The following EIF2B3 variants were observed in gnomAD, a reference collection of about 807,000 sequenced individuals.
The protein encoded by EIF2B3 is translation initiation factor eIF2B subunit gamma.
Under a neutral mutation model 54.1 loss-of-function variants are expected in EIF2B3, and 20 were observed. That is an observed-to-expected ratio of 0.37 (90% CI 0.26 to 0.54). The LOEUF (loss-of-function observed/expected upper bound fraction) is 0.54. Ranked by LOEUF, EIF2B3 falls within the 20% of genes least tolerant of loss-of-function variation. The probability of loss-of-function intolerance (pLI) is 0.86; values close to 1 mark genes in which losing one functional copy is unlikely to be tolerated. For missense variants in EIF2B3, 448 were observed against 547.8 expected (o/e 0.82, Z 1.82); for synonymous variants, 153 against 188.1 (o/e 0.81, Z 1.52).
chr1:44,922,740 T>C (rs1210655993), intron 5 of EIF2B3, among the ~76,000 whole-genome samples: 2 of 151,986 alleles, frequency 1.3e-5, no homozygotes, highest in African/African-American at 4.8e-5. Context: ...ATTTTCATTG[T>C]AGAGACCTTT....
chr1:44,918,488 C>T lies in EIF2B3; in HGVS notation c.566+8140G>A, dbSNP rs192614792. The stretch of plus-strand genomic sequence containing the variant: ...TACTGTAACCTCCGCCTCCCAGGTT[C>T]AAGCAATTCTCCTGCCTCAGCCTCC... On this transcript the variant is annotated intron_variant, in intron 5 of 11. Coordinates refer to ENST00000360403, the MANE Select transcript of EIF2B3 (RefSeq NM_020365.5). Among the ~76,000 whole-genome samples, 780 of 152,074 alleles carry T rather than the reference C, an allele frequency of 5.1e-3. 10 individuals are homozygous for T. The highest frequency in any genetic ancestry group is 0.018 in the African/African-American group (749 of 41,476).
At chr1:44,963,648 C>G (rs181574050) in intron 3 of EIF2B3, among the ~76,000 whole-genome samples, 155 of 152,294 alleles carry the variant, frequency 1.0e-3, no homozygotes, top group Non-Finnish European at 1.7e-3. Flanking sequence ...AATGAACTCT[C>G]TGGTCATGGT....
At chr1:44,961,984 G>T (rs1644289573) in intron 3 of EIF2B3, among the ~76,000 whole-genome samples, 1 of 152,020 alleles carries the variant, frequency 6.6e-6, no homozygotes, top group African/African-American at 2.4e-5. Context: ...TTGAGGTCAG[G>T]AGTTCAAGAC....
chr1:44,986,138 C>T (rs66786377), intron 1 of EIF2B3, among the ~76,000 whole-genome samples: 33,059 of 142,162 alleles, frequency 0.23, 4,032 homozygotes, highest in Admixed American at 0.33. Flanking sequence ...CTTTTCTTTT[C>T]TTTTTTTTTT....
intron 11 of EIF2B3, 61 bp from the exon 12 acceptor site, chr1:44,851,064 A>C: frequency 6.4e-7 from 1 of 1,557,150 alleles, no homozygotes; most frequent in Non-Finnish European, 8.8e-7. Flanking sequence ...TTTCAAACCC[A>C]ACTGCTTTTT....
At chr1:44,956,612 A>C (rs980201427) in intron 3 of EIF2B3, among the ~76,000 whole-genome samples, 4 of 152,102 alleles carry the variant, frequency 2.6e-5, no homozygotes, top group African/African-American at 4.8e-5. Flanking sequence ...GATCAATAAG[A>C]TCTTATGGCT....
intron 3 of EIF2B3, among the ~76,000 whole-genome samples, chr1:44,960,764 C>T (rs1401586224): frequency 2.6e-5 from 4 of 152,118 alleles, no homozygotes; most frequent in African/African-American, 2.4e-5. Context: ...TATGCAAATA[C>T]CATGCCATTT....
chr1:44,957,627 G>T (rs1423112090), intron 3 of EIF2B3, among the ~76,000 whole-genome samples: 1 of 152,070 alleles, frequency 6.6e-6, no homozygotes, highest in Non-Finnish European at 1.5e-5. Context: ...TGGGCGTGGT[G>T]GCATGTGCCT....
chr1:44,977,656 G>C (rs1391558045), intron 3 of EIF2B3, among the ~76,000 whole-genome samples: 1 of 151,986 alleles, frequency 6.6e-6, no homozygotes, highest in Admixed American at 6.6e-5. Context: ...GTAGAGACAG[G>C]GTCTTACCAC....
intron 3 of EIF2B3, among the ~76,000 whole-genome samples, chr1:44,962,474 G>A (rs1644295628): frequency 2.0e-5 from 3 of 152,082 alleles, no homozygotes; most frequent in South Asian, 2.1e-4. Context: ...GAGCAGTGGC[G>A]CGATCACAGC....
At chr1:44,906,456 A>G (rs1643412113) in intron 5 of EIF2B3, among the ~76,000 whole-genome samples, 1 of 152,238 alleles carries the variant, frequency 6.6e-6, no homozygotes, top group African/African-American at 2.4e-5. Context: ...GCTGGAGTGC[A>G]GTGGCACGAT....
intron 4 of EIF2B3, among the ~76,000 whole-genome samples, chr1:44,939,012 G>A (rs1307290964): frequency 6.8e-6 from 1 of 147,786 alleles, no homozygotes; most frequent in African/African-American, 2.5e-5. Flanking sequence ...GAGGTGGGAG[G>A]ATTGCTTGAG....
intron 3 of EIF2B3, among the ~76,000 whole-genome samples, chr1:44,951,126 C>T (rs1379948106): frequency 6.6e-6 from 1 of 152,132 alleles, no homozygotes; most frequent in African/African-American, 2.4e-5. Flanking sequence ...TTCTCCTTCT[C>T]GCCTTAGTCA....
At chr1:44,948,118 G>A (rs943744508) in intron 3 of EIF2B3, among the ~76,000 whole-genome samples, 6 of 152,226 alleles carry the variant, frequency 3.9e-5, no homozygotes, top group African/African-American at 1.2e-4. Flanking sequence ...GCAAGGCCAA[G>A]GGCCAACTGC....
At chr1:44,875,263 C>A (rs1357917728) in intron 9 of EIF2B3, among the ~76,000 whole-genome samples, 1 of 152,118 alleles carries the variant, frequency 6.6e-6, no homozygotes, top group Non-Finnish European at 1.5e-5. Flanking sequence ...AGGACCCATA[C>A]CAGATAAAAC....
chr1:44,850,816 G>T lies in EIF2B3; in HGVS notation c.*135C>A. On this transcript the variant is annotated 3_prime_UTR_variant, in exon 12 of 12. Transcript: ENST00000360403. ...TGGAGCCCACCTGACATGGAGCTTT[G>T]GACTGCTCCACAAGTCTCCAGCATG... 2 of 950,804 alleles carry T rather than the reference G, an allele frequency of 2.1e-6. No homozygotes were observed. Among genetic ancestry groups the T allele is most frequent in the Non-Finnish European group, 3.4e-6 (2 of 590,636 alleles). 58.9% of individuals were successfully genotyped at this position (950,804 alleles called of 1,614,324 possible).
chr1:44,873,736 G>C (rs1246808834), intron 10 of EIF2B3, among the ~76,000 whole-genome samples: 1 of 151,920 alleles, frequency 6.6e-6, no homozygotes, highest in Non-Finnish European at 1.5e-5. Context: ...TGCCTCCTGG[G>C]TTCAAGCCAT....
chr1:44,861,835 C>G (rs553662106), intron 10 of EIF2B3, among the ~76,000 whole-genome samples: 1 of 152,310 alleles, frequency 6.6e-6, no homozygotes, highest in African/African-American at 2.4e-5. Context: ...AAACAGCTTA[C>G]TGGTTGTGAA....
rs965101171 is a variant in EIF2B3, at chr1:44,955,838, G to A, written c.295-14173C>T. Among the ~76,000 whole-genome samples the A allele has an allele frequency of 7.2e-5, 11 of 152,254 alleles. No homozygotes were observed. In the South Asian group the frequency reaches 1.0e-3, roughly 14 times the overall value. On this transcript the variant is annotated intron_variant, in intron 3 of 11. Transcript: ENST00000360403. The stretch of plus-strand genomic sequence containing the variant: ...ACCATCTAATTTCAGTTAGAATGGC[G>A]ATCATTAAAAAGTCAGGAAACAACC...
Sources: allele counts gnomAD v4.1 joint callset (sites outside exome capture counted in the v4.1 genomes callset), GRCh38; gene constraint gnomAD v4.1.1; transcripts MANE v1.5; gene names NCBI Gene and HGNC (gene_info 2026-07-23, HGNC 2026-07-21).